Variants in ST6GAL1 observed in about 807,000 individuals in gnomAD.
ST6GAL1 encodes ST6 beta-galactoside alpha-2,6-sialyltransferase 1, also known as beta-galactoside alpha-2,6-sialyltransferase 1.
ST6GAL1 carries 20 observed loss-of-function variants against 38.0 expected under a neutral mutation model. The observed-to-expected ratio is 0.53, with a 90% confidence interval of 0.37 to 0.77. The LOEUF is 0.77. ST6GAL1 is among the 30% of genes least tolerant of loss of function. The pLI, the probability that ST6GAL1 is intolerant of heterozygous loss-of-function variation, is 0.00. For missense variants in ST6GAL1, 432 were observed against 496.4 expected, an observed-to-expected ratio of 0.87 and a Z score of 1.23; for synonymous variants, 196 against 188.2, an observed-to-expected ratio of 1.04 and a Z score of -0.34.
At chr3:187,051,483 G>C (rs925293157) in intron 5 of ST6GAL1, 137 bp downstream of exon 5, 9 of 714,154 alleles carry the variant, frequency 1.3e-5, no homozygotes, top group Non-Finnish European at 2.1e-5. Context: ...TTCCTCACTG[G>C]AGAAGAAGAC....
chr3:187,054,640 G>T (rs1718628361), intron 5 of ST6GAL1, among the ~76,000 whole-genome samples: 1 of 152,196 alleles, frequency 6.6e-6, no homozygotes, highest in Non-Finnish European at 1.5e-5. Flanking sequence ...GCATTCCAGG[G>T]ATGAAGCTGA....
At chr3:186,955,625 C>T (rs1159052005) in intron 1 of ST6GAL1, among the ~76,000 whole-genome samples, 1 of 152,072 alleles carries the variant, frequency 6.6e-6, no homozygotes, top group Non-Finnish European at 1.5e-5. Flanking sequence ...GCCTCAGCCT[C>T]CTGAGTAGTT....
At chr3:186,997,297 C>G (rs1716449384) in intron 2 of ST6GAL1, among the ~76,000 whole-genome samples, 2 of 152,254 alleles carry the variant, frequency 1.3e-5, no homozygotes, top group African/African-American at 2.4e-5. Context: ...AGTGACAAAA[C>G]TGTCACTCAG....
intron 2 of ST6GAL1, among the ~76,000 whole-genome samples, chr3:186,995,512 AAAAT>A (rs1264286068): frequency 4.5e-5 from 3 of 66,208 alleles, no homozygotes; most frequent in Non-Finnish European, 9.2e-5. Context: ...TCTCAAAAAA[AAAAT>A]AATAATAAAA....
At position 186,976,504 on chromosome 3, in the gene ST6GAL1, A is replaced by G. The variant is rs200536361; in HGVS notation, c.-183+12578A>G. On this transcript the variant is annotated intron_variant, in intron 2 of 7. Transcript: ENST00000169298. ...GAATGCAGTGGCACTATCTCGGCTCACTGCAACCTCCATCTCCCGGGTTCA... is the reference window on the plus strand; with the variant it reads ...GAATGCAGTGGCACTATCTCGGCTCGCTGCAACCTCCATCTCCCGGGTTCA... Among the ~76,000 whole-genome samples, 28 of 151,834 alleles carry G rather than the reference A, an allele frequency of 1.8e-4. No homozygotes were observed. The East Asian group carries it at 3.9e-3, about 21-fold the overall frequency.
chr3:186,982,643 C>A (rs933483668), intron 2 of ST6GAL1, among the ~76,000 whole-genome samples: 1 of 152,014 alleles, frequency 6.6e-6, no homozygotes, highest in African/African-American at 2.4e-5. Flanking sequence ...GATATAATGG[C>A]ATCACATCGT....
At chr3:187,012,012 C>T (rs764933300) in intron 2 of ST6GAL1, among the ~76,000 whole-genome samples, 3 of 152,170 alleles carry the variant, frequency 2.0e-5, no homozygotes, top group Non-Finnish European at 4.4e-5. Context: ...GCAACCTAGC[C>T]AAGCTATGGT....
chr3:186,973,913 G>A (rs1715436086), intron 2 of ST6GAL1, among the ~76,000 whole-genome samples: 1 of 152,212 alleles, frequency 6.6e-6, no homozygotes, highest in African/African-American at 2.4e-5. Context: ...GAACACATGA[G>A]CCATGGCGCT....
chr3:187,052,241 G>C (rs984293382), intron 5 of ST6GAL1, among the ~76,000 whole-genome samples: 9 of 152,086 alleles, frequency 5.9e-5, no homozygotes, highest in Admixed American at 5.2e-4. Context: ...TCACCAGCTA[G>C]GCAGAAGCTG....
intron 5 of ST6GAL1, among the ~76,000 whole-genome samples, chr3:187,066,606 G>A (rs916484549): frequency 2.5e-4 from 25 of 98,490 alleles, no homozygotes; most frequent in African/African-American, 1.1e-3. Flanking sequence ...GCGTGCGTGT[G>A]TGTGTGTGTG....
Position 187,077,190 on chromosome 3 carries a change from T to C in ST6GAL1, c.*1387T>C. ...ATTGCAATGCTCTGCACCTCTTCCTTGCAAGTGAGCAACTTCAGGCTCTCT... is the reference window on the plus strand; with the variant it reads ...ATTGCAATGCTCTGCACCTCTTCCTCGCAAGTGAGCAACTTCAGGCTCTCT... On this transcript the variant is annotated 3_prime_UTR_variant, in exon 8 of 8. Coordinates refer to ENST00000169298, the MANE Select transcript of ST6GAL1 (RefSeq NM_173216.2). The C allele has an allele frequency of 2.6e-6, 1 of 389,398 alleles. No homozygotes were observed. Among genetic ancestry groups the C allele is most frequent in the Non-Finnish European group, 4.5e-6 (1 of 220,804 alleles). The allele number at this position is 389,398 out of a possible 1,614,324, so 24.1% of individuals were successfully genotyped here.
intron 2 of ST6GAL1, among the ~76,000 whole-genome samples, chr3:186,981,273 G>C (rs1169303005): frequency 6.6e-6 from 1 of 152,214 alleles, no homozygotes. Flanking sequence ...TTTTATTAGA[G>C]TGGGAAGACC....
At chr3:186,985,335 C>T (rs1715875432) in intron 2 of ST6GAL1, among the ~76,000 whole-genome samples, 2 of 152,148 alleles carry the variant, frequency 1.3e-5, no homozygotes, top group South Asian at 4.2e-4. Context: ...ATGTAAAACT[C>T]TAAGGGTGTT....
At chr3:187,068,561 A>C (rs1719252669) in intron 5 of ST6GAL1, among the ~76,000 whole-genome samples, 1 of 152,222 alleles carries the variant, frequency 6.6e-6, no homozygotes, top group Non-Finnish European at 1.5e-5. Flanking sequence ...AGTAAGCATC[A>C]TTAAATGGTG....
chr3:187,074,416 C>A, intron 7 of ST6GAL1, 83 bp downstream of exon 7: 1 of 1,396,936 alleles, frequency 7.2e-7, no homozygotes, highest in South Asian at 1.7e-5. Context: ...TTCAGTCATT[C>A]GTTTGTTCAT....
At chr3:186,946,333 TATAAA>T (rs1242863405) in intron 1 of ST6GAL1, among the ~76,000 whole-genome samples, 2 of 152,044 alleles carry the variant, frequency 1.3e-5, no homozygotes, top group African/African-American at 4.8e-5. Flanking sequence ...TCCTTTTCCT[TATAAA>T]ATAAAATAAT....
At chr3:187,027,079 AAAATAAAATAAAC>A (rs972205756) in intron 2 of ST6GAL1, among the ~76,000 whole-genome samples, 8 of 151,906 alleles carry the variant, frequency 5.3e-5, no homozygotes, top group Non-Finnish European at 1.2e-4. Flanking sequence ...TAAAAAATAA[AAAATAAAATAAAC>A]AAATAAATAA....
At chr3:187,057,929 C>T (rs959984531) in intron 5 of ST6GAL1, among the ~76,000 whole-genome samples, 2 of 152,206 alleles carry the variant, frequency 1.3e-5, no homozygotes, top group Non-Finnish European at 2.9e-5. Context: ...GCAGGCCTGG[C>T]TGACCTGCAG....
intron 2 of ST6GAL1, among the ~76,000 whole-genome samples, chr3:186,967,246 C>T (rs571018071): frequency 4.7e-4 from 71 of 152,242 alleles, no homozygotes; most frequent in African/African-American, 1.6e-3. Context: ...GGCTGGAGTG[C>T]GGTGGCGCAA....
Sources: allele counts gnomAD v4.1 joint callset (sites outside exome capture counted in the v4.1 genomes callset), GRCh38; gene constraint gnomAD v4.1.1; transcripts MANE v1.5; gene names NCBI Gene and HGNC (gene_info 2026-07-23, HGNC 2026-07-21).